The following TTLL5 variants were observed in gnomAD, a reference collection of about 807,000 sequenced individuals.
TTLL5 encodes the protein tubulin tyrosine ligase like 5.
TTLL5 carries 132 observed loss-of-function variants against 168.4 expected under a neutral mutation model. The ratio of observed to expected loss-of-function variants is 0.78; its 90% confidence interval spans 0.68 to 0.91. The LOEUF is 0.91. Among genes scored for constraint, TTLL5 ranks in the 40% least tolerant of loss-of-function variants. The probability of loss-of-function intolerance (pLI) is 0.00; values close to 1 mark genes in which losing one functional copy is unlikely to be tolerated. For synonymous variants in TTLL5, 546 were observed against 558.6 expected (o/e 0.98, Z 0.32); for missense variants, 1,545 against 1,581.5 (o/e 0.98, Z 0.39).
chr14:75,848,268 T>C (rs1400985868), intron 28 of TTLL5, among the ~76,000 whole-genome samples: 8 of 152,038 alleles, frequency 5.3e-5, no homozygotes. Context: ...TGTGACACTT[T>C]GCAAGCTGTT....
intron 3 of TTLL5, among the ~76,000 whole-genome samples, chr14:75,676,698 G>A (rs781556871): frequency 2.0e-5 from 3 of 152,190 alleles, no homozygotes; most frequent in Non-Finnish European, 4.4e-5. Context: ...ATTTGCCACT[G>A]AGTGTGGTGG....
chr14:75,756,253 C>CT (rs1217833433), intron 18 of TTLL5, among the ~76,000 whole-genome samples: 2 of 151,782 alleles, frequency 1.3e-5, no homozygotes, highest in Non-Finnish European at 2.9e-5. Context: ...TTGCATTTGT[C>CT]TCTTTACAAA....
chr14:75,856,576 T>C (rs1185689082), intron 28 of TTLL5, among the ~76,000 whole-genome samples: 1 of 152,092 alleles, frequency 6.6e-6, no homozygotes, highest in East Asian at 1.9e-4. Flanking sequence ...TTCTATTAGA[T>C]TTATTCTTAG....
chr14:75,865,526 A>C (rs1261884266), intron 29 of TTLL5, among the ~76,000 whole-genome samples: 1 of 152,088 alleles, frequency 6.6e-6, no homozygotes, highest in Non-Finnish European at 1.5e-5. Context: ...AGCCTAAAAT[A>C]CAAGTCAGAA....
At chr14:75,939,420 C>G (rs1409151837) in intron 31 of TTLL5, among the ~76,000 whole-genome samples, 1 of 152,190 alleles carries the variant, frequency 6.6e-6, no homozygotes, top group Non-Finnish European at 1.5e-5. Flanking sequence ...CAGCTTTACT[C>G]TGTCATTCAG....
At chr14:75,869,976 C>T (rs1426845433) in intron 29 of TTLL5, among the ~76,000 whole-genome samples, 26 of 151,944 alleles carry the variant, frequency 1.7e-4, no homozygotes, top group African/African-American at 6.3e-4. Flanking sequence ...CACACCACCA[C>T]GCCAGGCTAA....
At chr14:75,853,989 G>A (rs1361900742) in intron 28 of TTLL5, among the ~76,000 whole-genome samples, 2 of 152,078 alleles carry the variant, frequency 1.3e-5, no homozygotes, top group African/African-American at 4.8e-5. Context: ...GTTGCAGTGA[G>A]CGGAGACCAT....
chr14:75,786,229 A>G (rs989506427), intron 26 of TTLL5, among the ~76,000 whole-genome samples: 1 of 152,188 alleles, frequency 6.6e-6, no homozygotes, highest in Non-Finnish European at 1.5e-5. Context: ...ATAATGATCA[A>G]TAATGTTCTA....
rs1477464 is a variant in TTLL5 at position 75,683,487 on chromosome 14, T to C, written c.265-63T>C. 148,558 of 1,352,374 alleles carry C rather than the reference T, an allele frequency of 0.11. 8,874 individuals carry two copies. The highest frequency in any genetic ancestry group is 0.12 in the Non-Finnish European group (117,604 of 945,898). 83.8% of individuals were successfully genotyped at this position (1,352,374 alleles called of 1,614,324 possible). ...TCACTGTGGCTTTTTCTGCCATTGC[T>C]TTTCCTGGAGAAGGGGTATCTCTGA... On this transcript the variant is annotated intron_variant, in intron 4 of 31. Coordinates refer to ENST00000298832, the MANE Select transcript of TTLL5 (RefSeq NM_015072.5).
chr14:75,940,957 G>A (rs1265061909), intron 31 of TTLL5, among the ~76,000 whole-genome samples: 1 of 152,184 alleles, frequency 6.6e-6, no homozygotes, highest in South Asian at 2.1e-4. Context: ...CCTTAAAATA[G>A]CATTGTATTA....
chr14:75,781,537 A>G (rs995395707), intron 24 of TTLL5, among the ~76,000 whole-genome samples: 1 of 152,222 alleles, frequency 6.6e-6, no homozygotes, highest in Non-Finnish European at 1.5e-5. Flanking sequence ...GAATATTTTT[A>G]TATATGATTA....
At chr14:75,745,809 A>C (rs1164261068) in intron 17 of TTLL5, among the ~76,000 whole-genome samples, 2 of 152,024 alleles carry the variant, frequency 1.3e-5, no homozygotes, top group African/African-American at 4.8e-5. Flanking sequence ...CTAGCTTCCT[A>C]TCCCAGGGTT....
chr14:75,661,963 G>A (rs1890760852), intron 1 of TTLL5, among the ~76,000 whole-genome samples: 1 of 152,084 alleles, frequency 6.6e-6, no homozygotes, highest in Non-Finnish European at 1.5e-5. Flanking sequence ...TGAGTAATTT[G>A]GGATTATGGT....
intron 15 of TTLL5, among the ~76,000 whole-genome samples, chr14:75,741,961 T>C (rs141163706): frequency 7.5e-4 from 114 of 152,270 alleles, no homozygotes; most frequent in African/African-American, 2.6e-3. Flanking sequence ...CACATCATTA[T>C]CTCAATTTCT....
intron 18 of TTLL5, among the ~76,000 whole-genome samples, chr14:75,759,929 G>T (rs889507988): frequency 3.3e-5 from 5 of 152,052 alleles, no homozygotes; most frequent in Admixed American, 2.6e-4. Flanking sequence ...AAATATTGAA[G>T]GCTTTTTCCA....
At chr14:75,762,946 T>A (rs1012308191) in intron 18 of TTLL5, among the ~76,000 whole-genome samples, 8 of 152,212 alleles carry the variant, frequency 5.3e-5, no homozygotes, top group Admixed American at 3.9e-4. Flanking sequence ...GGGTGTTGAA[T>A]TAACTTCCAC....
chr14:75,863,733 A>T lies in TTLL5; in HGVS notation c.3393A>T (p.Thr1131=). 6.2e-7 allele frequency: 1 copy of T among 1,613,844 alleles called. No homozygotes were observed. Among genetic ancestry groups the T allele is most frequent in the South Asian group, 1.1e-5 (1 of 91,052 alleles). ...EVENNVYSQA[T]GVVPQHKYHP... ...AAAACAACGTGTACAGCCAGGCTAC[A>T]GGGGTGGTCCCCCAGCACAAGTATC... The change falls in exon 29 of 32, where the codon ACA becomes ACT. Residue 1131 remains threonine (T), a synonymous_variant. Transcript: ENST00000298832.
chr14:75,809,742 TG>T (rs1374377617), intron 27 of TTLL5, among the ~76,000 whole-genome samples: 3 of 152,224 alleles, frequency 2.0e-5, no homozygotes, highest in Non-Finnish European at 4.4e-5. Flanking sequence ...TTCTCAGCTC[TG>T]GTAACCATCA....
At chr14:75,897,666 G>A (rs1453843654) in intron 30 of TTLL5, among the ~76,000 whole-genome samples, 1 of 151,914 alleles carries the variant, frequency 6.6e-6, no homozygotes, top group Non-Finnish European at 1.5e-5. Context: ...AGTAGAGATG[G>A]GGTTTCACCA....
Sources: gnomAD v4.1 joint callset for allele counts (sites outside exome capture counted in the v4.1 genomes callset) on GRCh38, gnomAD v4.1.1 for gene constraint, MANE v1.5 for transcripts, NCBI Gene and HGNC (gene_info 2026-07-23, HGNC 2026-07-21) for gene names.